The following PSKH1 variants were observed in gnomAD, a reference collection of about 807,000 sequenced individuals.
The protein encoded by PSKH1 is protein serine kinase H1, also known as serine/threonine-protein kinase H1.
Under a neutral mutation model 26.7 loss-of-function variants are expected in PSKH1, and 12 were observed. That is an observed-to-expected ratio of 0.45 (90% confidence interval 0.29 to 0.73). The LOEUF is 0.73. Ranked by LOEUF, PSKH1 falls within the 30% of genes least tolerant of loss-of-function variation. The pLI is 0.11. For missense variants in PSKH1, 431 were observed against 595.2 expected (o/e 0.72, Z 2.87); for synonymous variants, 213 against 234.3 (o/e 0.91, Z 0.83).
intron 1 of PSKH1, among the ~76,000 whole-genome samples, chr16:67,903,808 C>T (rs1350818361): frequency 1.3e-5 from 2 of 148,276 alleles, no homozygotes; most frequent in Non-Finnish European, 3.0e-5. Context: ...TGATAGCTCT[C>T]GATTCCACTC....
In PSKH1 at chr16:67,909,547, A is replaced by G; in HGVS notation, c.798A>G (p.Pro266=). ...TTCGTPEYIA[P]EVLVRKPYTN... Reference sequence around the variant, plus strand: ...GTGGCACGCCTGAGTACATTGCCCCAGAAGTCCTGGTCCGCAAGCCATACA... The same window carrying G: ...GTGGCACGCCTGAGTACATTGCCCCGGAAGTCCTGGTCCGCAAGCCATACA... The change falls in exon 2 of 3, where the codon CCA becomes CCG. Residue 266 remains proline (P), a synonymous_variant. Coordinates refer to ENST00000291041, the MANE Select transcript of PSKH1 (RefSeq NM_006742.3). This position sits in a 1 kb window ranked among gnomAD's most constrained non-coding sequence, Gnocchi z 7.8. 6.2e-7 allele frequency: 1 copy of G among 1,613,942 alleles called. No homozygotes were observed. The highest frequency in any genetic ancestry group is 8.5e-7 in the Non-Finnish European group (1 of 1,180,042).
At chr16:67,899,863 G>A (rs530226497) in intron 1 of PSKH1, among the ~76,000 whole-genome samples, 2 of 150,486 alleles carry the variant, frequency 1.3e-5, no homozygotes, top group East Asian at 4.0e-4. Flanking sequence ...TTGGACAGGT[G>A]GTTTCAAACT....
intron 2 of PSKH1, among the ~76,000 whole-genome samples, chr16:67,920,520 A>G (rs1332699277): frequency 7.9e-5 from 12 of 152,082 alleles, no homozygotes; most frequent in Non-Finnish European, 2.9e-5. Context: ...CGGCCTCCCA[A>G]AGTGCTGAGA....
intron 1 of PSKH1, among the ~76,000 whole-genome samples, chr16:67,907,217 T>A (rs1308508372): frequency 1.3e-5 from 2 of 149,944 alleles, no homozygotes; most frequent in African/African-American, 4.9e-5. Context: ...CCCGCCTCGG[T>A]CTCCCAAAGT....
chr16:67,921,651 G>A (rs73594581), intron 2 of PSKH1, among the ~76,000 whole-genome samples: 22,702 of 152,088 alleles, frequency 0.15, 1,886 homozygotes, highest in African/African-American at 0.22. Flanking sequence ...GGCCTCAGCG[G>A]AACCCTTGAT....
intron 2 of PSKH1, among the ~76,000 whole-genome samples, chr16:67,925,155 G>A (rs2058212569): frequency 6.6e-6 from 1 of 151,514 alleles, no homozygotes; most frequent in South Asian, 2.1e-4. Flanking sequence ...CAGCTGTCTA[G>A]TCCAGTTGCC....
chr16:67,904,453 C>A (rs1205594106), intron 1 of PSKH1, among the ~76,000 whole-genome samples: 1 of 152,092 alleles, frequency 6.6e-6, no homozygotes, highest in African/African-American at 2.4e-5. Flanking sequence ...ATCCGCCCAC[C>A]TCGGCCTCCC....
chr16:67,921,865 C>T (rs2058203566), intron 2 of PSKH1, among the ~76,000 whole-genome samples: 6 of 152,186 alleles, frequency 3.9e-5, no homozygotes, highest in Admixed American at 3.9e-4. Flanking sequence ...TGGGCAGGGA[C>T]AGGTGGGGGC....
intron 1 of PSKH1, among the ~76,000 whole-genome samples, chr16:67,904,372 T>C (rs186847112): frequency 1.6e-4 from 25 of 151,820 alleles, no homozygotes; most frequent in Non-Finnish European, 1.9e-4. Context: ...CGACTAATAT[T>C]TTTGTATTTT....
intron 1 of PSKH1, among the ~76,000 whole-genome samples, chr16:67,906,946 T>C (rs2058157573): frequency 6.6e-6 from 1 of 151,340 alleles, no homozygotes; most frequent in Non-Finnish European, 1.5e-5. Flanking sequence ...CAGTGTCCTC[T>C]CTGAGCTCAA....
At chr16:67,921,834 C>G (rs544742921) in intron 2 of PSKH1, among the ~76,000 whole-genome samples, 20 of 152,328 alleles carry the variant, frequency 1.3e-4, no homozygotes, top group Non-Finnish European at 2.2e-4. Context: ...TCTCTCCTCT[C>G]CTTCCCCTCC....
At chr16:67,914,701 G>C (rs1284284389) in intron 2 of PSKH1, among the ~76,000 whole-genome samples, 1 of 152,148 alleles carries the variant, frequency 6.6e-6, no homozygotes, top group Non-Finnish European at 1.5e-5. Context: ...TGATCTGCCC[G>C]CCTCAGCTTC....
rs1008919267 is a variant in PSKH1 at position 67,927,515 on chromosome 16, G to A, written c.1148G>A (p.Cys383Tyr). Residue 383 changes from cysteine to tyrosine, a missense_variant, in exon 3 of 3, where the codon TGC (cysteine) becomes TAC (tyrosine). Cys to Tyr is a radical substitution (Grantham distance 194). Coordinates refer to ENST00000291041, the MANE Select transcript of PSKH1 (RefSeq NM_006742.3). This position sits in a 1 kb window ranked among gnomAD's most constrained non-coding sequence, Gnocchi z 5.5. ...QNLLKRASSR[C>Y]QSTKSAQSTR... is the part of the protein sequence containing the mutation. ...CTCCTTAAACGTGCCTCCTCGCGCT[G>A]CCAGAGCACCAAATCTGCCCAGTCC... is the stretch of plus-strand genomic sequence containing the variant. The A allele has an allele frequency of 6.2e-6, 10 of 1,614,156 alleles. No homozygotes were observed. The highest frequency in any genetic ancestry group is 8.5e-6 in the Non-Finnish European group (10 of 1,180,046).
At position 67,909,124 on chromosome 16, in the gene PSKH1, C is replaced by T; in HGVS notation, c.375C>T (p.Ala125=). 6.2e-7 allele frequency: 1 copy of T among 1,613,780 alleles called. No individual in the cohort carries two copies. The highest frequency in any genetic ancestry group is 8.5e-7 in the Non-Finnish European group (1 of 1,179,942). The change falls in exon 2 of 3, where the codon GCC becomes GCT. Residue 125 remains alanine (A), a synonymous_variant. Transcript: ENST00000291041. This position sits in a 1 kb window ranked among gnomAD's most constrained non-coding sequence, Gnocchi z 7.8. ...VEHRATRQPY[A]IKMIETKYRE... Reference sequence around the variant, plus strand: ...ACCGGGCAACCCGGCAGCCGTATGCCATCAAGATGATTGAGACCAAGTACC... The same window carrying T: ...ACCGGGCAACCCGGCAGCCGTATGCTATCAAGATGATTGAGACCAAGTACC...
intron 1 of PSKH1, among the ~76,000 whole-genome samples, chr16:67,897,823 A>T (rs1598185402): frequency 6.6e-6 from 1 of 152,068 alleles, no homozygotes; most frequent in African/African-American, 2.4e-5. Context: ...AGTGGCTGGG[A>T]CTACAGGCAC....
chr16:67,901,624 T>C (rs1214269525), intron 1 of PSKH1, among the ~76,000 whole-genome samples: 2 of 144,754 alleles, frequency 1.4e-5, no homozygotes, highest in African/African-American at 2.7e-5. Flanking sequence ...TGAGCCACCA[T>C]GCCCAGCCTA....
intron 1 of PSKH1, among the ~76,000 whole-genome samples, chr16:67,894,489 C>T (rs1306465749): frequency 6.6e-6 from 1 of 152,218 alleles, no homozygotes; most frequent in Non-Finnish European, 1.5e-5. Context: ...TTGCTATACA[C>T]TGCCTTCCAC....
chr16:67,914,518 G>A (rs1463569319), intron 2 of PSKH1, among the ~76,000 whole-genome samples: 3 of 150,586 alleles, frequency 2.0e-5, no homozygotes, highest in South Asian at 2.1e-4. Flanking sequence ...GCAGTGGCAC[G>A]ATCTCAGCTC....
chr16:67,918,271 T>C (rs545483905), intron 2 of PSKH1, among the ~76,000 whole-genome samples: 1 of 152,312 alleles, frequency 6.6e-6, no homozygotes, highest in African/African-American at 2.4e-5. Context: ...GGAGCTTTGC[T>C]GTCTGCTGCA....
Sources: allele counts gnomAD v4.1 joint callset (sites outside exome capture counted in the v4.1 genomes callset), GRCh38; gene constraint gnomAD v4.1.1; non-coding constraint Gnocchi (gnomAD v3.1); transcripts MANE v1.5; gene names NCBI Gene and HGNC (gene_info 2026-07-23, HGNC 2026-07-21).